Variants in SLC9C1 observed in about 807,000 individuals in gnomAD.
SLC9C1 encodes the protein sodium/hydrogen exchanger 10.
A neutral mutation model predicts 140.9 loss-of-function variants in SLC9C1; 97 were observed. The observed-to-expected ratio is 0.69, with a 90% confidence interval of 0.58 to 0.82. The LOEUF is 0.82. Ranked by LOEUF, SLC9C1 falls within the 40% of genes least tolerant of loss-of-function variation. The pLI is 0.00. For missense variants in SLC9C1, 1,340 were observed against 1,389.3 expected (o/e 0.96, Z 0.56); for synonymous variants, 440 against 442.6 (o/e 0.99, Z 0.07).
At chr3:112,241,997 A>G (rs1330054975) in intron 11 of SLC9C1, among the ~76,000 whole-genome samples, 1 of 152,196 alleles carries the variant, frequency 6.6e-6, no homozygotes. Context: ...TAAAAGTCCT[A>G]GAAGAAAACC....
chr3:112,251,361 C>T (rs1576449077), intron 10 of SLC9C1, among the ~76,000 whole-genome samples: 1 of 152,166 alleles, frequency 6.6e-6, no homozygotes, highest in Middle Eastern at 3.4e-3. Flanking sequence ...CTTTGCAACC[C>T]TCAGGTCAGG....
intron 1 of SLC9C1, among the ~76,000 whole-genome samples, chr3:112,292,029 A>C (rs1282638991): frequency 1.3e-5 from 2 of 152,212 alleles, no homozygotes; most frequent in Admixed American, 6.5e-5. Context: ...AGAAAACCAA[A>C]TACTGCATGT....
At chr3:112,208,397 A>T in intron 15 of SLC9C1, 24 bp from the exon 16 acceptor site, 1 of 1,449,288 alleles carries the variant, frequency 6.9e-7, no homozygotes, top group Non-Finnish European at 9.3e-7. Flanking sequence ...AGACAGTTTT[A>T]TCTGATAAAA....
At position 112,237,247 on chromosome 3, in the gene SLC9C1, G is replaced by A. The variant is rs146689259; in HGVS notation, c.1446+2593C>T. 6.3e-3 allele frequency among the ~76,000 whole-genome samples: 954 copies of A among 152,042 alleles called. 14 individuals carry two copies. Among genetic ancestry groups the A allele is most frequent in the African/African-American group, 0.022 (910 of 41,456 alleles). On this transcript the variant is annotated intron_variant, in intron 12 of 28. Transcript: ENST00000305815. ...GCCTTCTTTGTCTCTTTTGATCTTCGTTGGTTTAAAGCCTGTTTTATCAGA... is the reference window on the plus strand; with the variant it reads ...GCCTTCTTTGTCTCTTTTGATCTTCATTGGTTTAAAGCCTGTTTTATCAGA...
chr3:112,160,571 C>T (rs1225424617), intron 26 of SLC9C1, among the ~76,000 whole-genome samples: 1 of 151,930 alleles, frequency 6.6e-6, no homozygotes. Flanking sequence ...TTTCCAATTT[C>T]ATCCATGTCC....
At chr3:112,265,914 T>G (rs1446001838) in intron 8 of SLC9C1, among the ~76,000 whole-genome samples, 1 of 152,128 alleles carries the variant, frequency 6.6e-6, no homozygotes, top group East Asian at 1.9e-4. Flanking sequence ...AAAATATTAC[T>G]TCTCAATTAC....
In SLC9C1 at chr3:112,252,024, C is replaced by T. The variant is rs1356277061; in HGVS notation, c.1198-7948G>A. Among the ~76,000 whole-genome samples the T allele has an allele frequency of 2.0e-5, 3 of 152,184 alleles. No homozygotes were observed. In the East Asian group the frequency reaches 5.8e-4, roughly 29 times the overall value. The stretch of plus-strand genomic sequence containing the variant: ...TATGAGTGGCTGCTCTGCTAATATT[C>T]CATGTAGCTCTGCATGTCAGACTGT... On this transcript the variant is annotated intron_variant, in intron 10 of 28. Coordinates refer to ENST00000305815, the MANE Select transcript of SLC9C1 (RefSeq NM_183061.3).
chr3:112,183,055 C>A (rs1391850937), intron 20 of SLC9C1, among the ~76,000 whole-genome samples: 1 of 152,096 alleles, frequency 6.6e-6, no homozygotes, highest in Non-Finnish European at 1.5e-5. Context: ...ATGAGTAATG[C>A]CGCTACGAAT....
chr3:112,211,874 G>A (rs1018754060), intron 15 of SLC9C1, among the ~76,000 whole-genome samples: 19 of 152,208 alleles, frequency 1.2e-4, no homozygotes, highest in Middle Eastern at 3.2e-3. Flanking sequence ...CTCCCAGCAC[G>A]GAGTCTGAGA....
At chr3:112,253,001 G>A (rs4613425) in intron 10 of SLC9C1, among the ~76,000 whole-genome samples, 44,991 of 151,948 alleles carry the variant, frequency 0.3, 7,202 homozygotes, top group East Asian at 0.43. Flanking sequence ...ATACCTTCAG[G>A]TCCTGGAAAA....
At chr3:112,192,404 C>T (rs1395661640) in intron 20 of SLC9C1, among the ~76,000 whole-genome samples, 1 of 152,120 alleles carries the variant, frequency 6.6e-6, no homozygotes, top group African/African-American at 2.4e-5. Flanking sequence ...CATCAAGATT[C>T]ATCTATATTG....
rs116508241 is a variant in SLC9C1 at position 112,252,727 on chromosome 3, C to A, written c.1198-8651G>T. Among the ~76,000 whole-genome samples the A allele has an allele frequency of 6.2e-3, 944 of 152,198 alleles. 14 individuals are homozygous for A. Among genetic ancestry groups the A allele is most frequent in the African/African-American group, 0.022 (903 of 41,526 alleles). On this transcript the variant is annotated intron_variant, in intron 10 of 28. Transcript: ENST00000305815. ...AGCCTTAGCCATTGTTGCCTTCAGG[C>A]TTTAGAGAGTCAAGGTGACCAGGGA...
intron 17 of SLC9C1, among the ~76,000 whole-genome samples, chr3:112,203,264 T>G (rs2077955635): frequency 6.6e-6 from 1 of 152,018 alleles, no homozygotes; most frequent in African/African-American, 2.4e-5. Flanking sequence ...CAACAAACTT[T>G]TCTAAGTTGT....
chr3:112,289,898 G>A (rs1157503372), intron 1 of SLC9C1, among the ~76,000 whole-genome samples: 4 of 152,118 alleles, frequency 2.6e-5, no homozygotes, highest in Non-Finnish European at 5.9e-5. Flanking sequence ...ATGGAATCAC[G>A]TGGCAAGTTT....
chr3:112,161,488 T>G (rs938246319), intron 26 of SLC9C1, among the ~76,000 whole-genome samples: 2 of 152,244 alleles, frequency 1.3e-5, no homozygotes, highest in Non-Finnish European at 2.9e-5. Context: ...TTTCTACATA[T>G]GGCTAGCCAG....
chr3:112,147,135 T>C (rs1229576767), intron 28 of SLC9C1, among the ~76,000 whole-genome samples: 3 of 152,252 alleles, frequency 2.0e-5, no homozygotes, highest in Non-Finnish European at 4.4e-5. Flanking sequence ...TTTTTTGTTT[T>C]CCATTTGCAT....
intron 10 of SLC9C1, among the ~76,000 whole-genome samples, chr3:112,257,695 T>A (rs999230014): frequency 6.6e-6 from 1 of 152,056 alleles, no homozygotes. Flanking sequence ...CAAAACTTGA[T>A]AAAATTGATC....
At chr3:112,247,603 C>A (rs1479206851) in intron 10 of SLC9C1, among the ~76,000 whole-genome samples, 1 of 152,054 alleles carries the variant, frequency 6.6e-6, no homozygotes, top group African/African-American at 2.4e-5. Context: ...AAAGTGGCGT[C>A]CATCCACCTA....
chr3:112,176,563 A>G (rs1403088191), intron 23 of SLC9C1, among the ~76,000 whole-genome samples: 5 of 152,200 alleles, frequency 3.3e-5, no homozygotes, highest in African/African-American at 7.2e-5. Context: ...CTTTTATACT[A>G]TAGATCACAA....
Sources: allele counts gnomAD v4.1 joint callset (sites outside exome capture counted in the v4.1 genomes callset), GRCh38; gene constraint gnomAD v4.1.1; transcripts MANE v1.5; gene names NCBI Gene and HGNC (gene_info 2026-07-23, HGNC 2026-07-21).